Variants in UACA observed in about 807,000 individuals in gnomAD.
UACA encodes the protein nuclear membrane binding protein.
In UACA, 112 loss-of-function variants were observed where a neutral mutation model predicts 160.5. The observed-to-expected ratio is 0.70, with a 90% CI of 0.60 to 0.82. The LOEUF is 0.82. Ranked by LOEUF, UACA falls within the 40% of genes least tolerant of loss-of-function variation. The probability of loss-of-function intolerance (pLI) is 0.00; values close to 1 mark genes in which losing one functional copy is unlikely to be tolerated. For synonymous variants in UACA, 557 were observed against 568.4 expected (o/e 0.98, Z 0.29); for missense variants, 1,574 against 1,614.6 (o/e 0.97, Z 0.43).
Position 70,655,510 on chromosome 15 carries a change from G to A in UACA, c.*1546C>T, listed in dbSNP as rs1017693258. 1.3e-5 allele frequency: 2 copies of A among 152,140 alleles called. No individual in the cohort carries two copies. Among genetic ancestry groups the A allele is most frequent in the Non-Finnish European group, 2.9e-5 (2 of 68,030 alleles). The allele number at this position is 152,140 out of a possible 1,614,324, so 9.4% of individuals were successfully genotyped here. ...CCCAAAGTGCTGGGATTACAGGCAT[G>A]AGCCACCACCCCCGGCAACTTTTTT... is the stretch of plus-strand genomic sequence containing the variant. On this transcript the variant is annotated 3_prime_UTR_variant, in exon 19 of 19. Coordinates refer to ENST00000322954, the MANE Select transcript of UACA (RefSeq NM_018003.4).
intron 2 of UACA, 62 bp from the exon 3 acceptor site, chr15:70,695,167 C>A: frequency 1.7e-6 from 2 of 1,199,582 alleles, no homozygotes; most frequent in Admixed American, 2.6e-5. Context: ...TTAAATGCTA[C>A]ATTAATGTCA....
intron 1 of UACA, among the ~76,000 whole-genome samples, chr15:70,706,666 C>G (rs544663842): frequency 1.3e-5 from 2 of 151,862 alleles, no homozygotes; most frequent in African/African-American, 4.8e-5. Context: ...TAACAATGAA[C>G]AATCCAAGAC....
rs769394198 is a variant in UACA, at chr15:70,668,770, T to C, written c.1914A>G (p.Ser638=). 2 of 1,614,040 alleles carry C rather than the reference T, an allele frequency of 1.2e-6. No homozygotes were observed. The highest frequency in any genetic ancestry group is 8.5e-7 in the Non-Finnish European group (1 of 1,180,018). Residue 638 remains serine (S), a synonymous_variant, in exon 16 of 19, where the codon TCA becomes TCG. Transcript: ENST00000322954. ...CTTTCTCATTCACTTCATTTGATAA[T>C]GAGCTCTTCATGTTTTCAAATTTTT... is the stretch of plus-strand genomic sequence containing the variant. ...PAEKFENMKS[S]LSNEVNEKAK...
chr15:70,678,789 T>C (rs920682722), intron 10 of UACA, among the ~76,000 whole-genome samples: 1 of 152,270 alleles, frequency 6.6e-6, no homozygotes, highest in Non-Finnish European at 1.5e-5. Flanking sequence ...CTTTGGAAAC[T>C]TTGACCAATA....
At chr15:70,678,425 G>A (rs1394493790) in intron 10 of UACA, among the ~76,000 whole-genome samples, 1 of 151,898 alleles carries the variant, frequency 6.6e-6, no homozygotes, top group African/African-American at 2.4e-5. Flanking sequence ...ATAAATACAA[G>A]TATATACTAC....
At chr15:70,679,967 G>T in intron 9 of UACA, 1 of 163,146 alleles carries the variant, frequency 6.1e-6, no homozygotes, top group Non-Finnish European at 1.3e-5. Flanking sequence ...AAAAGAATTT[G>T]TAATAAATGC....
At position 70,667,974 on chromosome 15, in the gene UACA, T is replaced by A. The variant is rs1332224732; in HGVS notation, c.2710A>T (p.Asn904Tyr). The A allele has an allele frequency of 6.2e-7, 1 of 1,602,162 alleles. No individual in the cohort carries two copies. Among genetic ancestry groups the A allele is most frequent in the Non-Finnish European group, 8.5e-7 (1 of 1,174,958 alleles). The change falls in exon 16 of 19, where the codon AAT (asparagine) becomes TAT (tyrosine). Residue 904 changes from asparagine to tyrosine, a missense_variant. Transcript: ENST00000322954. ...TCCAGGTTTCTTTTTAATATTTCAT[T>A]CTTATCTTTTATTTTTACAAATTCC... ...NQEFVKIKDK[N>Y]EILKRNLENT...
In UACA at chr15:70,699,669, AG is replaced by A; in HGVS notation, c.79-10del. Reference sequence around the variant, plus strand: ...TTCCAATCTGCTGCATGCTACAAAAAGGAAAAAAAAAAGTAAATATGGCATA... The same window carrying A: ...TTCCAATCTGCTGCATGCTACAAAAAGAAAAAAAAAAGTAAATATGGCATA... On this transcript the variant is annotated splice_polypyrimidine_tract_variant and intron_variant, in intron 1 of 18. Transcript: ENST00000322954. 1.2e-6 allele frequency: 2 copies of A among 1,609,648 alleles called. No individual in the cohort carries two copies. Among genetic ancestry groups the A allele is most frequent in the Admixed American group, 1.7e-5 (1 of 59,426 alleles).
intron 1 of UACA, among the ~76,000 whole-genome samples, chr15:70,715,123 C>T (rs1212301988): frequency 1.3e-5 from 2 of 151,944 alleles, no homozygotes; most frequent in East Asian, 1.9e-4. Flanking sequence ...AAAGTGTATT[C>T]GACAAGAGTT....
At chr15:70,724,435 T>C (rs1305089159) in intron 1 of UACA, among the ~76,000 whole-genome samples, 1 of 152,204 alleles carries the variant, frequency 6.6e-6, no homozygotes, top group Non-Finnish European at 1.5e-5. Context: ...TATATAATGA[T>C]AGTCCTTTAA....
intron 1 of UACA, among the ~76,000 whole-genome samples, chr15:70,747,252 T>G (rs1899737577): frequency 6.7e-6 from 1 of 149,264 alleles, no homozygotes; most frequent in Non-Finnish European, 1.5e-5. Context: ...TTTTTTTTTT[T>G]TTTTTTTTTT....
At position 70,687,525 on chromosome 15, in the gene UACA, T is replaced by A. The variant is rs1162260831; in HGVS notation, c.602+15A>T. The A allele has an allele frequency of 8.1e-6, 13 of 1,610,224 alleles. No homozygotes were observed. The highest frequency in any genetic ancestry group is 1.1e-5 in the Non-Finnish European group (13 of 1,176,742). On this transcript the variant is annotated intron_variant, in intron 7 of 18. Coordinates refer to ENST00000322954, the MANE Select transcript of UACA (RefSeq NM_018003.4). ...GTATCCAGCTGGTATCTGGGAGCCA[T>A]GATAAAAGAATTACCTGTTTTGTTT...
At chr15:70,778,200 CAAA>C in the UACA span, among the ~76,000 whole-genome samples, 9 of 128,514 alleles carry the variant, frequency 7.0e-5, no homozygotes, top group South Asian at 5.1e-4. Flanking sequence ...GACCTGGTCT[CAAA>C]AAAAAAAAAA....
chr15:70,709,891 A>T (rs1898630854), intron 1 of UACA, among the ~76,000 whole-genome samples: 1 of 149,710 alleles, frequency 6.7e-6, no homozygotes, highest in Admixed American at 6.6e-5. Flanking sequence ...AAACTTTGAT[A>T]AAAAACTGCT....
intron 1 of UACA, among the ~76,000 whole-genome samples, chr15:70,751,435 C>T (rs1186773626): frequency 6.6e-6 from 1 of 152,170 alleles, no homozygotes; most frequent in African/African-American, 2.4e-5. Flanking sequence ...ATGGCATGAC[C>T]TCTGGTAAGA....
intron 1 of UACA, among the ~76,000 whole-genome samples, chr15:70,738,511 A>G (rs531734859): frequency 7.9e-5 from 12 of 152,262 alleles, no homozygotes; most frequent in African/African-American, 2.6e-4. Context: ...GCATTCAAAC[A>G]CAATCCAAAA....
chr15:70,668,823 C>T lies in UACA; in HGVS notation c.1861G>A (p.Ala621Thr), dbSNP rs1237719512. The stretch of plus-strand genomic sequence containing the variant: ...GCTGGAATGGAAAGGGCCAACTTCG[C>T]TGACAATTCTTTTGCCTGGCCTTCC... ...EMEGQAKELS[A>T]KLALSIPAEK... Residue 621 changes from alanine to threonine, a missense_variant, in exon 16 of 19, where the codon GCG (alanine) becomes ACG (threonine). Transcript: ENST00000322954. The T allele has an allele frequency of 6.2e-7, 1 of 1,613,792 alleles. No homozygotes were observed. Among genetic ancestry groups the T allele is most frequent in the African/African-American group, 1.3e-5 (1 of 74,940 alleles).
chr15:70,738,572 C>T (rs1015267695), intron 1 of UACA, among the ~76,000 whole-genome samples: 5 of 152,022 alleles, frequency 3.3e-5, no homozygotes, highest in Non-Finnish European at 7.4e-5. Flanking sequence ...ACAATAATCT[C>T]CTTCTACTTT....
Position 70,676,598 on chromosome 15 carries a change from T to C in UACA, c.1033-7A>G, listed in dbSNP as rs763517526. 1.9e-6 allele frequency: 3 copies of C among 1,605,294 alleles called. No individual in the cohort carries two copies. Among genetic ancestry groups the C allele is most frequent in the Non-Finnish European group, 2.6e-6 (3 of 1,173,800 alleles). ...GGGACTTCAGCTTTTCTCTCTGAAATGAAACAGAATAAATACAGTAAAATC... is the reference window on the plus strand; with the variant it reads ...GGGACTTCAGCTTTTCTCTCTGAAACGAAACAGAATAAATACAGTAAAATC... On this transcript the variant is annotated splice_polypyrimidine_tract_variant and splice_region_variant and intron_variant, in intron 12 of 18. Transcript: ENST00000322954.
Sources: gnomAD v4.1 joint callset for allele counts (sites outside exome capture counted in the v4.1 genomes callset) on GRCh38, gnomAD v4.1.1 for gene constraint, MANE v1.5 for transcripts, NCBI Gene and HGNC (gene_info 2026-07-23, HGNC 2026-07-21) for gene names.